ADGRV1: variants seen among roughly 807,000 people sequenced by gnomAD.
The protein encoded by ADGRV1 is adhesion G protein-coupled receptor V1.
In ADGRV1, 359 loss-of-function variants were observed where a neutral mutation model predicts 596.2. The observed-to-expected ratio is 0.60, with a 90% CI of 0.55 to 0.66. The LOEUF is 0.66. Among genes scored for constraint, ADGRV1 ranks in the 30% least tolerant of loss-of-function variants. The pLI is 0.00. For missense variants in ADGRV1, 7,274 were observed against 7,575.6 expected (o/e 0.96, Z 1.48); for synonymous variants, 2,681 against 2,679.2 (o/e 1.00, Z -0.02).
intron 57 of ADGRV1, 151 bp from the exon 58 acceptor site, chr5:90,759,258 T>C (rs1756182285): frequency 1.7e-6 from 1 of 590,250 alleles, no homozygotes; most frequent in Non-Finnish European, 3.0e-6. Flanking sequence ...AGAACTACTT[T>C]TTAGTACCAT....
intron 85 of ADGRV1, among the ~76,000 whole-genome samples, chr5:91,064,667 T>C (rs1400835624): frequency 1.3e-5 from 2 of 152,220 alleles, no homozygotes; most frequent in African/African-American, 4.8e-5. Context: ...TTTTAGAATG[T>C]AGTTGATTCC....
chr5:90,798,019 C>A (rs1328838661), intron 70 of ADGRV1, among the ~76,000 whole-genome samples: 1 of 151,972 alleles, frequency 6.6e-6, no homozygotes, highest in East Asian at 1.9e-4. Flanking sequence ...ATTAAAAGAA[C>A]TAGAGTAGCA....
chr5:91,100,597 A>C (rs1791294655), intron 86 of ADGRV1, among the ~76,000 whole-genome samples: 1 of 152,234 alleles, frequency 6.6e-6, no homozygotes, highest in African/African-American at 2.4e-5. Flanking sequence ...TAGAAGATAA[A>C]TAAGTGGATA....
chr5:90,740,331 A>C (rs1753802601), intron 50 of ADGRV1, among the ~76,000 whole-genome samples: 1 of 152,098 alleles, frequency 6.6e-6, no homozygotes, highest in Non-Finnish European at 1.5e-5. Flanking sequence ...AATGATGACA[A>C]ATGTACCCCT....
intron 85 of ADGRV1, among the ~76,000 whole-genome samples, chr5:91,066,152 A>G (rs1787866648): frequency 6.6e-6 from 1 of 152,192 alleles, no homozygotes; most frequent in African/African-American, 2.4e-5. Context: ...TTCTTGAAGC[A>G]ATAGCTGCAC....
chr5:90,763,210 C>A, intron 58 of ADGRV1, 95 bp from the exon 59 acceptor site: 1 of 1,067,216 alleles, frequency 9.4e-7, no homozygotes, highest in Non-Finnish European at 1.3e-6. Context: ...AATTATAAAA[C>A]TGCAGTCATT....
chr5:90,763,284 TACTGAA>T lies in ADGRV1; in HGVS notation c.12121-20_12121-15del. 1 of 1,483,570 alleles carries T rather than the reference TACTGAA, an allele frequency of 6.7e-7. No individual in the cohort carries two copies. The highest frequency in any genetic ancestry group is 9.1e-7 in the Non-Finnish European group (1 of 1,104,928). 91.9% of individuals were successfully genotyped at this position (1,483,570 alleles called of 1,614,324 possible). The stretch of plus-strand genomic sequence containing the variant: ...TTTTGTTTTTTTTTTTGTTTGGCCT[TACTGAA>T]TTTTCTTCTTTCAGGTAATGATTGA... On this transcript the variant is annotated splice_polypyrimidine_tract_variant and intron_variant, in intron 58 of 89. Coordinates refer to ENST00000405460, the MANE Select transcript of ADGRV1 (RefSeq NM_032119.4).
At chr5:90,621,512 G>C (rs906137056) in intron 4 of ADGRV1, among the ~76,000 whole-genome samples, 1 of 152,038 alleles carries the variant, frequency 6.6e-6, no homozygotes, top group South Asian at 2.1e-4. Context: ...GATGAAGCAG[G>C]CTCCCTTAAT....
chr5:90,578,302 T>C (rs1436358704), intron 1 of ADGRV1, among the ~76,000 whole-genome samples: 1 of 152,226 alleles, frequency 6.6e-6, no homozygotes, highest in Non-Finnish European at 1.5e-5. Context: ...ACCTAGTTTA[T>C]TGAGAGTTTT....
chr5:91,089,255 G>C (rs1790175797), intron 86 of ADGRV1, among the ~76,000 whole-genome samples: 1 of 152,024 alleles, frequency 6.6e-6, no homozygotes, highest in Non-Finnish European at 1.5e-5. Context: ...TAACAACAGA[G>C]AGTAAGTAAT....
chr5:90,948,029 G>A (rs1372064191), intron 83 of ADGRV1, among the ~76,000 whole-genome samples: 2 of 152,016 alleles, frequency 1.3e-5, no homozygotes, highest in African/African-American at 2.4e-5. Context: ...TCCTTACAAA[G>A]GTGCTTGAGC....
intron 22 of ADGRV1, 163 bp downstream of exon 22, chr5:90,672,885 A>G: frequency 1.8e-6 from 1 of 552,564 alleles, no homozygotes; most frequent in Non-Finnish European, 3.2e-6. Context: ...GTCTGCTGTA[A>G]AACCTTTATC....
rs982342738 is a variant in ADGRV1 at position 90,699,246 on chromosome 5, T to A, written c.8155+2100T>A. ...TTATCTAGTCATTTATTTTATTCTG[T>A]TTTATAAGAGGGTCAGCCTCTAATG... On this transcript the variant is annotated intron_variant, in intron 34 of 89. Coordinates refer to ENST00000405460, the MANE Select transcript of ADGRV1 (RefSeq NM_032119.4). Among the ~76,000 whole-genome samples, 3 of 152,174 alleles carry A rather than the reference T, an allele frequency of 2.0e-5. No homozygotes were observed. In the East Asian group the frequency reaches 5.8e-4, roughly 29 times the overall value.
intron 50 of ADGRV1, among the ~76,000 whole-genome samples, chr5:90,732,342 T>C (rs6452908): frequency 0.2 from 30,436 of 152,070 alleles, 3,160 homozygotes; most frequent in East Asian, 0.31. Context: ...TAAGGCTTGA[T>C]TGACAAACAT....
At chr5:90,978,601 AAAT>A (rs954223545) in intron 84 of ADGRV1, among the ~76,000 whole-genome samples, 5 of 152,190 alleles carry the variant, frequency 3.3e-5, no homozygotes, top group African/African-American at 9.7e-5. Context: ...TAATGCAAAG[AAAT>A]AATAACTGGT....
intron 70 of ADGRV1, chr5:90,791,998 A>AT (rs1760132661): frequency 6.6e-6 from 1 of 152,202 alleles, no homozygotes; most frequent in Non-Finnish European, 1.5e-5. Context: ...CAAGGATGGT[A>AT]CATGTCATAT....
chr5:91,086,367 C>A (rs1169315658), intron 86 of ADGRV1, among the ~76,000 whole-genome samples: 1 of 152,120 alleles, frequency 6.6e-6, no homozygotes, highest in Non-Finnish European at 1.5e-5. Context: ...TCTGCCTTAT[C>A]CTAATTGCTC....
At chr5:90,772,342 C>T (rs558700500) in intron 59 of ADGRV1, among the ~76,000 whole-genome samples, 29 of 152,228 alleles carry the variant, frequency 1.9e-4, no homozygotes, top group African/African-American at 6.0e-4. Flanking sequence ...GACTTTGTTT[C>T]AGCTCTCATG....
intron 45 of ADGRV1, among the ~76,000 whole-genome samples, chr5:90,722,102 A>G (rs532791233): frequency 6.6e-6 from 1 of 152,290 alleles, no homozygotes; most frequent in Admixed American, 6.5e-5. Context: ...ATAATCATAT[A>G]TGGATTTTGA....
Sources: allele counts gnomAD v4.1 joint callset (sites outside exome capture counted in the v4.1 genomes callset), GRCh38; gene constraint gnomAD v4.1.1; transcripts MANE v1.5; gene names NCBI Gene and HGNC (gene_info 2026-07-23, HGNC 2026-07-21).